The following EFHD1 variants were observed in gnomAD, a reference collection of about 807,000 sequenced individuals.
The protein encoded by EFHD1 is EF-hand domain family member D1, also known as EF-hand domain-containing protein D1.
EFHD1 carries 10 observed loss-of-function variants against 17.2 expected under a neutral mutation model. That is an observed-to-expected ratio of 0.58 (90% CI 0.36 to 0.99). The LOEUF (loss-of-function observed/expected upper bound fraction) is 0.99. EFHD1 is among the 50% of genes least tolerant of loss of function. The probability of loss-of-function intolerance (pLI) is 0.01; values close to 1 mark genes in which losing one functional copy is unlikely to be tolerated. For synonymous variants in EFHD1, 153 were observed against 142.0 expected (o/e 1.08, Z -0.55); for missense variants, 310 against 327.5 (o/e 0.95, Z 0.41).
intron 1 of EFHD1, among the ~76,000 whole-genome samples, chr2:232,613,178 C>T (rs1693840301): frequency 6.6e-6 from 1 of 150,902 alleles, no homozygotes; most frequent in Non-Finnish European, 1.5e-5. Context: ...AAGCCCAGCA[C>T]TTTGGGAGGC....
At position 232,633,604 on chromosome 2, in the gene EFHD1, G is replaced by A; in HGVS notation, c.-101G>A. On this transcript the variant is annotated 5_prime_UTR_variant, in exon 1 of 4. Transcript: ENST00000264059. Reference sequence around the variant, plus strand: ...ACCGCCGGGTCCCCGCCGCCTCGGCGGAGTGTTGTAGAGCCTCGAGCCTGC... The same window carrying A: ...ACCGCCGGGTCCCCGCCGCCTCGGCAGAGTGTTGTAGAGCCTCGAGCCTGC... 1.5e-6 allele frequency: 2 copies of A among 1,305,732 alleles called. No homozygotes were observed. Among genetic ancestry groups the A allele is most frequent in the Non-Finnish European group, 1.9e-6 (2 of 1,031,780 alleles). 80.9% of individuals were successfully genotyped at this position (1,305,732 alleles called of 1,614,324 possible). A position where few individuals can be genotyped will look rare whatever the true frequency, so the allele number is the denominator to read the frequency against.
chr2:232,629,948 T>TTTTGTTTG (rs146596863), upstream of EFHD1, among the ~76,000 whole-genome samples: 11 of 151,764 alleles, frequency 7.2e-5, no homozygotes, highest in South Asian at 4.2e-4. Context: ...CAAGCATGTT[T>TTTTGTTTG]TTTGTTTGTT....
intron 2 of EFHD1, among the ~76,000 whole-genome samples, chr2:232,665,129 C>G (rs1403234804): frequency 2.6e-5 from 4 of 152,054 alleles, no homozygotes; most frequent in Admixed American, 6.6e-5. Flanking sequence ...TGTGGAGCCC[C>G]CTCACCAATA....
rs747437751 is a variant in EFHD1 at position 232,627,874 on chromosome 2, TA to T, written c.14+21702del. Among the ~76,000 whole-genome samples, 14 of 152,274 alleles carry T rather than the reference TA, an allele frequency of 9.2e-5. No homozygotes were observed. The East Asian group carries it at 1.5e-3, about 17-fold the overall frequency. On this transcript the variant is annotated intron_variant, in intron 1 of 3. Coordinates refer to the EFHD1 transcript ENST00000409613. ...TAAAACTCATCCTTTTTTTGTTTGT[TA>T]TTTTTTTGTAAAACTAATCATTTTG...
intron 3 of EFHD1, among the ~76,000 whole-genome samples, chr2:232,678,022 C>T (rs929745436): frequency 2.6e-5 from 4 of 152,020 alleles, no homozygotes; most frequent in African/African-American, 9.7e-5. Context: ...GTGGCTTATG[C>T]CTATAATCCC....
intron 1 of EFHD1, among the ~76,000 whole-genome samples, chr2:232,613,633 T>C (rs62191597): frequency 0.41 from 39,676 of 96,386 alleles, 5,957 homozygotes; most frequent in Middle Eastern, 0.46. Flanking sequence ...CACACACACA[T>C]ATACACACAC....
At chr2:232,608,953 A>G (rs1468527591) in intron 1 of EFHD1, among the ~76,000 whole-genome samples, 1 of 152,110 alleles carries the variant, frequency 6.6e-6, no homozygotes, top group Non-Finnish European at 1.5e-5. Context: ...AATACAATGA[A>G]AAAGCATTTT....
intron 1 of EFHD1, among the ~76,000 whole-genome samples, chr2:232,626,206 A>AAT (rs1265820990): frequency 6.6e-6 from 1 of 151,624 alleles, no homozygotes; most frequent in African/African-American, 2.4e-5. Context: ...AAAAGAAAAA[A>AAT]ATATATATAT....
At chr2:232,628,016 A>C (rs1236278519) in intron 1 of EFHD1, among the ~76,000 whole-genome samples, 1 of 152,204 alleles carries the variant, frequency 6.6e-6, no homozygotes, top group East Asian at 1.9e-4. Context: ...CATGGAATGA[A>C]GACTCTGCAC....
At chr2:232,609,014 C>T (rs1347489215) in intron 1 of EFHD1, among the ~76,000 whole-genome samples, 2 of 145,530 alleles carry the variant, frequency 1.4e-5, no homozygotes, top group African/African-American at 5.2e-5. Context: ...TCTTCTATTA[C>T]AAGACCAAAA....
At chr2:232,639,213 T>C (rs2106196690) in intron 1 of EFHD1, among the ~76,000 whole-genome samples, 1 of 152,308 alleles carries the variant, frequency 6.6e-6, no homozygotes, top group Non-Finnish European at 1.5e-5. Flanking sequence ...AGAATTTGAA[T>C]AATGGAAATT....
chr2:232,645,112 C>T (rs1285253749), intron 1 of EFHD1, among the ~76,000 whole-genome samples: 1 of 152,004 alleles, frequency 6.6e-6, no homozygotes, highest in Non-Finnish European at 1.5e-5. Context: ...CTTAGCCTAG[C>T]ACACCTTACT....
intron 1 of EFHD1, among the ~76,000 whole-genome samples, chr2:232,607,937 T>TA (rs397777807): frequency 3.3e-5 from 5 of 150,976 alleles, no homozygotes; most frequent in South Asian, 2.1e-4. Context: ...CTATTTTTTT[T>TA]AATTAATTAA....
chr2:232,625,493 C>T (rs942453647), intron 1 of EFHD1, among the ~76,000 whole-genome samples: 1 of 152,050 alleles, frequency 6.6e-6, no homozygotes, highest in East Asian at 1.9e-4. Context: ...TTTTCAACTT[C>T]CAACCCAAAA....
chr2:232,608,484 T>C (rs1693758933), intron 1 of EFHD1, among the ~76,000 whole-genome samples: 1 of 152,268 alleles, frequency 6.6e-6, no homozygotes, highest in African/African-American at 2.4e-5. Flanking sequence ...TGTCCTGCTG[T>C]ATTGTTTTTT....
At chr2:232,644,336 G>A (rs1429132182) in intron 1 of EFHD1, among the ~76,000 whole-genome samples, 2 of 151,932 alleles carry the variant, frequency 1.3e-5, no homozygotes, top group Admixed American at 6.6e-5. Flanking sequence ...TCTTAGAAGG[G>A]GCTCCAGCTG....
intron 3 of EFHD1, among the ~76,000 whole-genome samples, chr2:232,680,132 A>C (rs188826957): frequency 2.2e-4 from 34 of 152,042 alleles, no homozygotes; most frequent in Admixed American, 1.5e-3. Context: ...AATTAGCCAG[A>C]CGTGTGATGA....
chr2:232,665,709 A>G (rs1694956941), intron 2 of EFHD1, among the ~76,000 whole-genome samples: 1 of 152,234 alleles, frequency 6.6e-6, no homozygotes, highest in African/African-American at 2.4e-5. Context: ...GGCGTGAGCC[A>G]CTGCACCTGG....
intron 1 of EFHD1, among the ~76,000 whole-genome samples, chr2:232,646,515 G>T (rs1300394658): frequency 8.1e-6 from 1 of 123,596 alleles, no homozygotes; most frequent in Non-Finnish European, 1.6e-5. Context: ...CATGATCTCC[G>T]CTCACTGCAG....
Sources: gnomAD v4.1 joint callset for allele counts (sites outside exome capture counted in the v4.1 genomes callset) on GRCh38, gnomAD v4.1.1 for gene constraint, MANE v1.5 for transcripts, NCBI Gene and HGNC (gene_info 2026-07-23, HGNC 2026-07-21) for gene names.